SRSF9: variants seen among roughly 807,000 people sequenced by gnomAD.
SRSF9 encodes the protein serine and arginine rich splicing factor 9, also known as serine/arginine-rich splicing factor 9.
In SRSF9, 3 loss-of-function variants were observed where a neutral mutation model predicts 25.9. The ratio of observed to expected loss-of-function variants is 0.12; its 90% CI spans 0.05 to 0.30. The LOEUF (loss-of-function observed/expected upper bound fraction) is 0.30. Among genes scored for constraint, SRSF9 ranks in the 10% least tolerant of loss-of-function variants. The pLI is 1.00. For missense variants in SRSF9, 161 were observed against 303.5 expected (o/e 0.53, Z 3.49); for synonymous variants, 114 against 113.2 (o/e 1.01, Z -0.05).
intron 1 of SRSF9, among the ~76,000 whole-genome samples, chr12:120,468,331 T>C (rs1592993353): frequency 6.6e-6 from 1 of 152,020 alleles, no homozygotes; most frequent in African/African-American, 2.4e-5. Context: ...ACTTGACCCA[T>C]AGCAACTGTT....
Position 120,469,508 on chromosome 12 carries a change from G to A in SRSF9, c.102C>T (p.Phe34=), listed in dbSNP as rs1878585180. 2.5e-6 allele frequency: 4 copies of A among 1,601,450 alleles called. No homozygotes were observed. The highest frequency in any genetic ancestry group is 1.1e-5 in the South Asian group (1 of 89,342). ...DVREKDLEDL[F]YKYGRIREIE... ...TCTCGCGGATGCGGCCGTACTTGTA[G>A]AACAGGTCCTCCAAGTCCTTCTCGC... Residue 34 remains phenylalanine, a synonymous_variant, in exon 1 of 4, where the codon TTC becomes TTT. Coordinates refer to ENST00000229390, the MANE Select transcript of SRSF9 (RefSeq NM_003769.3).
chr12:120,469,696 T>A lies in SRSF9; in HGVS notation c.-87A>T. 5.8e-6 allele frequency: 5 copies of A among 856,422 alleles called. No individual in the cohort carries two copies. Among genetic ancestry groups the A allele is most frequent in the Non-Finnish European group, 7.5e-6 (5 of 662,916 alleles). 53.1% of individuals were successfully genotyped at this position (856,422 alleles called of 1,614,324 possible). On this transcript the variant is annotated 5_prime_UTR_variant, in exon 1 of 4. Coordinates refer to ENST00000229390, the MANE Select transcript of SRSF9 (RefSeq NM_003769.3). ...GTCCCCCCGCAGCGTCCCCGCGGGC[T>A]CCGAGGCGCTCAGCCGCACTGCATT...
At position 120,462,031 on chromosome 12, in the gene SRSF9, G is replaced by T. The variant is rs777833144; in HGVS notation, c.654C>A (p.Phe218Leu). Reference sequence around the variant, plus strand: ...CCCATCACCTGTCTCAGTAGGGCCTGAAAGGAGAGAAGTAGTGTGGGGAAC... The same window carrying T: ...CCCATCACCTGTCTCAGTAGGGCCTTAAAGGAGAGAAGTAGTGTGGGGAAC... ...SRGSPHYFSP[F>L]RPY The change falls in exon 4 of 4, where the codon TTC becomes TTA. Residue 218 changes from phenylalanine to leucine, a missense_variant. Coordinates refer to ENST00000229390, the MANE Select transcript of SRSF9 (RefSeq NM_003769.3). 1 of 1,611,204 alleles carries T rather than the reference G, an allele frequency of 6.2e-7. No individual in the cohort carries two copies. The highest frequency in any genetic ancestry group is 1.3e-5 in the African/African-American group (1 of 74,936).
At chr12:120,469,316 G>C (rs1405065582) in intron 1 of SRSF9, 106 bp downstream of exon 1, 1 of 713,446 alleles carries the variant, frequency 1.4e-6, no homozygotes, top group South Asian at 2.1e-5. Flanking sequence ...GCGCGGAGGC[G>C]GGGGGAGGGG....
rs569271980 is a variant in SRSF9 at position 120,463,908 on chromosome 12, G to A, written c.522+42C>T. On this transcript the variant is annotated intron_variant, in intron 3 of 3. Transcript: ENST00000229390. Reference sequence around the variant, plus strand: ...CTCTGCTAGGTCAGGTTCAAGTGGAGTGATTTGAGTACAAGCTCCTCAACA... The same window carrying A: ...CTCTGCTAGGTCAGGTTCAAGTGGAATGATTTGAGTACAAGCTCCTCAACA... The A allele has an allele frequency of 5.8e-6, 9 of 1,563,014 alleles. No homozygotes were observed. The South Asian group carries it at 9.8e-5, about 17-fold the overall frequency.
rs1029455328 is a variant in SRSF9 at position 120,469,673 on chromosome 12, C to A, written c.-64G>T. The A allele has an allele frequency of 4.7e-6, 5 of 1,065,336 alleles. No individual in the cohort carries two copies. The African/African-American group carries it at 5.0e-5, about 11-fold the overall frequency. 66.0% of individuals were successfully genotyped at this position (1,065,336 alleles called of 1,614,324 possible). On this transcript the variant is annotated 5_prime_UTR_variant, in exon 1 of 4. Transcript: ENST00000229390. ...TCGCCGCCGCCGCCTCAGCACGGGT[C>A]CCCCCGCAGCGTCCCCGCGGGCTCC...
rs1319823710 is a variant in SRSF9, at chr12:120,463,767, C to A, written c.522+183G>T. 10 of 602,196 alleles carry A rather than the reference C, an allele frequency of 1.7e-5. No homozygotes were observed. In the East Asian group the frequency reaches 2.7e-4, roughly 17 times the overall value. The allele number at this position is 602,196 out of a possible 1,614,324, so 37.3% of individuals were successfully genotyped here. ...AAAACAAACGTACCATGAATGCATA[C>A]TTCTTTCAGCTATGACCCTGAAGGA... is the stretch of plus-strand genomic sequence containing the variant. On this transcript the variant is annotated intron_variant, in intron 3 of 3. Transcript: ENST00000229390.
At chr12:120,466,877 A>G (rs1403666206) in intron 1 of SRSF9, among the ~76,000 whole-genome samples, 1 of 152,192 alleles carries the variant, frequency 6.6e-6, no homozygotes, top group Non-Finnish European at 1.5e-5. Flanking sequence ...TTGGAGAACT[A>G]TTTTTGTCAA....
chr12:120,462,178 A>C lies in SRSF9; in HGVS notation c.523-16T>G. ...AAGTTTCACCCTGAAATGCAAACAA[A>C]AACAAAAAGAGTAAAGGGGAAAAAA... On this transcript the variant is annotated splice_polypyrimidine_tract_variant and intron_variant, in intron 3 of 3. Transcript: ENST00000229390. 6.3e-7 allele frequency: 1 copy of C among 1,599,724 alleles called. No individual in the cohort carries two copies. Among genetic ancestry groups the C allele is most frequent in the Non-Finnish European group, 8.5e-7 (1 of 1,173,296 alleles).
At chr12:120,467,752 C>T (rs971050338) in intron 1 of SRSF9, among the ~76,000 whole-genome samples, 2 of 151,174 alleles carry the variant, frequency 1.3e-5, no homozygotes, top group East Asian at 2.0e-4. Flanking sequence ...GACAATGTAG[C>T]GTATCATATA....
chr12:120,466,501 A>G (rs571836476), intron 1 of SRSF9, among the ~76,000 whole-genome samples: 6 of 152,222 alleles, frequency 3.9e-5, no homozygotes, highest in Non-Finnish European at 8.8e-5. Flanking sequence ...CTCAAAGGAC[A>G]AAAGAAAAAT....
At chr12:120,467,248 C>T (rs554929832) in intron 1 of SRSF9, among the ~76,000 whole-genome samples, 4 of 152,312 alleles carry the variant, frequency 2.6e-5, no homozygotes, top group African/African-American at 9.6e-5. Context: ...GTGGCACATG[C>T]CTGTAATCCC....
At chr12:120,464,153 T>A in intron 2 of SRSF9, 31 bp from the exon 3 acceptor site, 1 of 1,597,900 alleles carries the variant, frequency 6.3e-7, no homozygotes, top group Non-Finnish European at 8.5e-7. Flanking sequence ...AAAGCCCACA[T>A]CCTTCAGCTA....
chr12:120,465,823 A>T (rs1430325343), intron 1 of SRSF9, 36 bp from the exon 2 acceptor site: 1 of 1,558,456 alleles, frequency 6.4e-7, no homozygotes, highest in Non-Finnish European at 8.6e-7. Flanking sequence ...AAACGTTTGG[A>T]GTTAGTGCTG....
At chr12:120,468,362 T>C (rs1043470942) in intron 1 of SRSF9, among the ~76,000 whole-genome samples, 9 of 151,988 alleles carry the variant, frequency 5.9e-5, no homozygotes, top group African/African-American at 2.2e-4. Context: ...AATGGCACGG[T>C]TACTAAATAA....
intron 1 of SRSF9, 127 bp downstream of exon 1, chr12:120,469,295 G>C (rs1447519914): frequency 6.8e-6 from 4 of 586,402 alleles, no homozygotes; most frequent in Middle Eastern, 4.7e-4. Context: ...AGGGGGCGCC[G>C]TGAGGGGTCT....
chr12:120,464,178 T>C, intron 2 of SRSF9, 56 bp from the exon 3 acceptor site: 4 of 1,556,954 alleles, frequency 2.6e-6, no homozygotes, highest in East Asian at 2.3e-5. Flanking sequence ...AACTGCCCTG[T>C]TAAGAGCCAG....
At chr12:120,468,938 G>C (rs1476162353) in intron 1 of SRSF9, among the ~76,000 whole-genome samples, 1 of 151,688 alleles carries the variant, frequency 6.6e-6, no homozygotes, top group Non-Finnish European at 1.5e-5. Context: ...CGCGAACGGC[G>C]AGCTATTCCA....
chr12:120,462,150 A>G lies in SRSF9; in HGVS notation c.535T>C (p.Tyr179His), dbSNP rs1334997585. ...CTTCTCTCAGGATAAACTCGGATGT[A>G]GGAAGTTTCACCCTGAAATGCAAAC... ...KFRSHEGETS[Y>H]IRVYPERSTS... Residue 179 changes from tyrosine to histidine, a missense_variant, in exon 4 of 4, where the codon TAC becomes CAC. This residue lies in a region of SRSF9 where 41 missense variants were observed against 126.7 expected (regional missense o/e 0.32). Coordinates refer to ENST00000229390, the MANE Select transcript of SRSF9 (RefSeq NM_003769.3). 1.2e-6 allele frequency: 2 copies of G among 1,611,564 alleles called. No homozygotes were observed. Among genetic ancestry groups the G allele is most frequent in the Non-Finnish European group, 1.7e-6 (2 of 1,179,202 alleles).
Sources: allele counts gnomAD v4.1 joint callset (sites outside exome capture counted in the v4.1 genomes callset), GRCh38; gene constraint gnomAD v4.1.1; regional missense constraint gnomAD v4.1.1; transcripts MANE v1.5; gene names NCBI Gene and HGNC (gene_info 2026-07-23, HGNC 2026-07-21).